CSMD3: variants seen among roughly 807,000 people sequenced by gnomAD.
CSMD3 encodes the protein CUB and Sushi multiple domains 3.
CSMD3 carries 177 observed loss-of-function variants against 435.2 expected under a neutral mutation model. The observed-to-expected ratio is 0.41, with a 90% CI of 0.36 to 0.46. CSMD3 has a LOEUF of 0.46. Among genes scored for constraint, CSMD3 ranks in the 20% least tolerant of loss-of-function variants. CSMD3 has a pLI of 0.34. For synonymous variants in CSMD3, 1,656 were observed against 1,520.5 expected (o/e 1.09, Z -2.07); for missense variants, 4,265 against 4,504.6 (o/e 0.95, Z 1.52).
At chr8:113,354,378 G>GA (rs1201207051) in intron 1 of CSMD3, among the ~76,000 whole-genome samples, 4 of 152,132 alleles carry the variant, frequency 2.6e-5, no homozygotes, top group African/African-American at 9.7e-5. Flanking sequence ...TATCTTAGGG[G>GA]AACCTCCTTG....
At chr8:112,568,938 T>C (rs1028468842) in intron 24 of CSMD3, among the ~76,000 whole-genome samples, 7 of 152,162 alleles carry the variant, frequency 4.6e-5, no homozygotes, top group African/African-American at 1.7e-4. Context: ...TCTGATTTTG[T>C]TCCCAGCTAT....
At chr8:113,318,215 T>C (rs146841007) in intron 1 of CSMD3, among the ~76,000 whole-genome samples, 1 of 152,298 alleles carries the variant, frequency 6.6e-6, no homozygotes, top group East Asian at 1.9e-4. Context: ...CTGGCACCAC[T>C]GTATGAAGTG....
chr8:112,969,506 G>A (rs2084561798), intron 7 of CSMD3, among the ~76,000 whole-genome samples: 1 of 151,860 alleles, frequency 6.6e-6, no homozygotes, highest in Non-Finnish European at 1.5e-5. Context: ...ATATCCTACT[G>A]ATATGATCAT....
At chr8:112,494,571 C>CT (rs35517945) in intron 30 of CSMD3, among the ~76,000 whole-genome samples, 1,221 of 93,778 alleles carry the variant, frequency 0.013, 41 homozygotes, top group African/African-American at 0.054. Flanking sequence ...TTCTTTCTTT[C>CT]TTTTCTTTCT....
chr8:113,069,796 T>C (rs773707036), intron 5 of CSMD3, among the ~76,000 whole-genome samples: 7 of 152,076 alleles, frequency 4.6e-5, no homozygotes, highest in Non-Finnish European at 8.8e-5. Flanking sequence ...CACTTTCAAG[T>C]TAAGGCAGTG....
At chr8:113,302,518 C>T (rs2093781044) in intron 2 of CSMD3, among the ~76,000 whole-genome samples, 1 of 150,962 alleles carries the variant, frequency 6.6e-6, no homozygotes, top group African/African-American at 2.4e-5. Flanking sequence ...AATGTCTTAT[C>T]TAAACATTTT....
At chr8:112,690,592 C>CG (rs1563857175) in intron 13 of CSMD3, among the ~76,000 whole-genome samples, 2 of 150,086 alleles carry the variant, frequency 1.3e-5, no homozygotes, top group African/African-American at 4.9e-5. Flanking sequence ...ACTAGACCCC[C>CG]CCCCCCAACA....
At chr8:113,199,869 C>G (rs915769705) in intron 3 of CSMD3, among the ~76,000 whole-genome samples, 4 of 151,826 alleles carry the variant, frequency 2.6e-5, no homozygotes, top group African/African-American at 9.7e-5. Context: ...GTATCTGGAG[C>G]TGAAGATGCT....
chr8:112,835,650 T>C (rs1334425174), intron 11 of CSMD3, among the ~76,000 whole-genome samples: 1 of 151,836 alleles, frequency 6.6e-6, no homozygotes, highest in African/African-American at 2.4e-5. Flanking sequence ...ATCTTATGTG[T>C]ATAAATAAGG....
chr8:113,184,526 A>G (rs568718995), intron 3 of CSMD3, among the ~76,000 whole-genome samples: 1 of 152,182 alleles, frequency 6.6e-6, no homozygotes, highest in Non-Finnish European at 1.5e-5. Flanking sequence ...TATGCCAAAA[A>G]AATGAGGCCA....
At chr8:112,231,455 A>G (rs1266388737) in intron 69 of CSMD3, 90 bp downstream of exon 69, 8 of 832,110 alleles carry the variant, frequency 9.6e-6, no homozygotes, top group African/African-American at 5.0e-5. Flanking sequence ...TAATGCAGTA[A>G]GTGTACCTAA....
chr8:113,342,851 C>T (rs2094128912), intron 1 of CSMD3, among the ~76,000 whole-genome samples: 1 of 151,558 alleles, frequency 6.6e-6, no homozygotes, highest in Admixed American at 6.6e-5. Flanking sequence ...AAAGTCTGTA[C>T]ATACTGTTAT....
intron 26 of CSMD3, among the ~76,000 whole-genome samples, chr8:112,551,747 A>G (rs1203351830): frequency 6.6e-6 from 1 of 152,120 alleles, no homozygotes; most frequent in African/African-American, 2.4e-5. Context: ...CTCACACTGC[A>G]TCCATCAATG....
At chr8:112,697,315 T>G (rs1010804238) in intron 13 of CSMD3, among the ~76,000 whole-genome samples, 65 of 152,036 alleles carry the variant, frequency 4.3e-4, no homozygotes, top group African/African-American at 1.6e-3. Context: ...TAGCAAAGAC[T>G]TGGAACCAAC....
intron 13 of CSMD3, among the ~76,000 whole-genome samples, chr8:112,755,294 G>C (rs2077666577): frequency 6.6e-6 from 1 of 151,234 alleles, no homozygotes. Flanking sequence ...TTGCGCCACA[G>C]AACTCTAGCC....
chr8:113,344,744 C>T (rs547040336), intron 1 of CSMD3, among the ~76,000 whole-genome samples: 1 of 152,238 alleles, frequency 6.6e-6, no homozygotes, highest in Admixed American at 6.5e-5. Context: ...AAGTGAGCCA[C>T]TCATATTTTC....
chr8:112,918,746 G>A (rs926260594), intron 10 of CSMD3, among the ~76,000 whole-genome samples: 1 of 151,830 alleles, frequency 6.6e-6, no homozygotes, highest in Non-Finnish European at 1.5e-5. Flanking sequence ...TTTATAAACT[G>A]CTCTTTTAAT....
rs76642533 is a variant in CSMD3, at chr8:112,403,044, T to C, written c.5809+3480A>G. On this transcript the variant is annotated intron_variant, in intron 35 of 70. Transcript: ENST00000297405. ...CTCTGCCATATTAACCCCAGCTCTC[T>C]GGTAGGCACAAGATAGGCGGAACAT... Among the ~76,000 whole-genome samples, 723 of 152,292 alleles carry C rather than the reference T, an allele frequency of 4.7e-3. 5 individuals carry two copies. The highest frequency in any genetic ancestry group is 0.017 in the African/African-American group (689 of 41,560).
At chr8:112,689,368 T>C (rs117243674) in intron 14 of CSMD3, among the ~76,000 whole-genome samples, 3,786 of 152,148 alleles carry the variant, frequency 0.025, 81 homozygotes, top group East Asian at 0.074. Flanking sequence ...CCAAGCATAT[T>C]GTATATCATT....
Sources: gnomAD v4.1 joint callset for allele counts (sites outside exome capture counted in the v4.1 genomes callset) on GRCh38, gnomAD v4.1.1 for gene constraint, MANE v1.5 for transcripts, NCBI Gene and HGNC (gene_info 2026-07-23, HGNC 2026-07-21) for gene names.